Variants in OR2L13 observed in about 807,000 individuals in gnomAD.
The protein encoded by OR2L13 is olfactory receptor family 2 subfamily L member 13, also known as olfactory receptor 2L13.
OR2L13 carries 14 observed loss-of-function variants against 15.3 expected under a neutral mutation model. The observed-to-expected ratio is 0.91, with a 90% CI of 0.60 to 1.43. The LOEUF (loss-of-function observed/expected upper bound fraction) is 1.43. OR2L13 is among the 40% of genes most tolerant of loss of function. The pLI, the probability that OR2L13 is intolerant of heterozygous loss-of-function variation, is 0.00. For synonymous variants in OR2L13, 152 were observed against 142.9 expected (o/e 1.06, Z -0.45); for missense variants, 367 against 387.9 (o/e 0.95, Z 0.45).
chr1:248,089,514 G>A, the OR2L13 span, among the ~76,000 whole-genome samples: 1 of 152,104 alleles, frequency 6.6e-6, no homozygotes, highest in Non-Finnish European at 1.5e-5. Flanking sequence ...TAAAGGAAAA[G>A]CTTAAGTTCC....
chr1:247,964,025 T>C, the OR2L13 span, among the ~76,000 whole-genome samples: 1 of 152,174 alleles, frequency 6.6e-6, no homozygotes, highest in Admixed American at 6.6e-5. Context: ...CATTCCCATT[T>C]CCAAACAAAA....
the OR2L13 span, among the ~76,000 whole-genome samples, chr1:247,999,994 T>G: frequency 6.6e-6 from 1 of 152,108 alleles, no homozygotes; most frequent in Non-Finnish European, 1.5e-5. Flanking sequence ...TTCTGGAAAA[T>G]CCCATAATGA....
chr1:248,089,867 T>A, the OR2L13 span, among the ~76,000 whole-genome samples: 11 of 152,262 alleles, frequency 7.2e-5, no homozygotes, highest in South Asian at 2.3e-3. Context: ...TGACTCTAAT[T>A]TTTTAGACAA....
chr1:248,018,916 G>A, the OR2L13 span, among the ~76,000 whole-genome samples: 1 of 152,098 alleles, frequency 6.6e-6, no homozygotes. Context: ...CCTCTTTGTG[G>A]CTTATTTCAC....
chr1:248,084,788 C>G, the OR2L13 span, among the ~76,000 whole-genome samples: 2 of 152,124 alleles, frequency 1.3e-5, no homozygotes, highest in African/African-American at 2.4e-5. Context: ...GCCAAGGACT[C>G]ATTAAATTAC....
the OR2L13 span, among the ~76,000 whole-genome samples, chr1:248,089,402 A>G: frequency 6.6e-6 from 1 of 152,012 alleles, no homozygotes; most frequent in Non-Finnish European, 1.5e-5. Context: ...GTTGGTAATT[A>G]ACTCAATCTC....
At chr1:248,057,970 G>A in the OR2L13 span, among the ~76,000 whole-genome samples, 1 of 151,954 alleles carries the variant, frequency 6.6e-6, no homozygotes, top group Non-Finnish European at 1.5e-5. Context: ...TTCTTTTCTT[G>A]TTTAATTGTT....
chr1:248,035,205 C>G, the OR2L13 span, among the ~76,000 whole-genome samples: 1 of 152,048 alleles, frequency 6.6e-6, no homozygotes, highest in Non-Finnish European at 1.5e-5. Flanking sequence ...AATCCCAGTA[C>G]TTTGGGAGGC....
At chr1:247,963,077 C>T in the OR2L13 span, among the ~76,000 whole-genome samples, 1 of 152,148 alleles carries the variant, frequency 6.6e-6, no homozygotes, top group Admixed American at 6.5e-5. Context: ...AAGAGCAAGC[C>T]AACAGAGTAA....
the OR2L13 span, chr1:248,022,480 G>C: frequency 6.2e-7 from 1 of 1,614,112 alleles, no homozygotes; most frequent in Non-Finnish European, 8.5e-7. Context: ...CATTTTTTCT[G>C]TGATGTTCCA....
the OR2L13 span, among the ~76,000 whole-genome samples, chr1:248,034,799 A>C: frequency 6.6e-6 from 1 of 152,326 alleles, no homozygotes; most frequent in Non-Finnish European, 1.5e-5. Flanking sequence ...AGCCACTTGA[A>C]GCCTAGGTTC....
the OR2L13 span, among the ~76,000 whole-genome samples, chr1:247,980,209 TTTTTATCATCAATTTTAATAACAGAAAA>T: frequency 2.0e-5 from 3 of 152,128 alleles, no homozygotes; most frequent in Non-Finnish European, 4.4e-5. Context: ...AGTTGCATCA[TTTTTATCATCAATTTTAATAACAGAAAA>T]TTGTTTTAAA....
At chr1:248,000,824 A>T in the OR2L13 span, among the ~76,000 whole-genome samples, 1 of 152,162 alleles carries the variant, frequency 6.6e-6, no homozygotes. Flanking sequence ...AAACAGAAGA[A>T]TTGTAATGAG....
the OR2L13 span, chr1:248,021,956 T>C: frequency 6.2e-7 from 1 of 1,612,306 alleles, no homozygotes; most frequent in South Asian, 1.1e-5. Context: ...CCATGGAAAA[T>C]TACAATCAAA....
chr1:247,946,318 T>A, the OR2L13 span, among the ~76,000 whole-genome samples: 1 of 152,210 alleles, frequency 6.6e-6, no homozygotes, highest in Non-Finnish European at 1.5e-5. Flanking sequence ...TATTTTTATT[T>A]CTTTCTTATT....
At chr1:247,974,416 A>T in the OR2L13 span, among the ~76,000 whole-genome samples, 3 of 151,128 alleles carry the variant, frequency 2.0e-5, no homozygotes, top group African/African-American at 7.4e-5. Flanking sequence ...TGTATCCCAG[A>T]ACTTAAAGTA....
At chr1:248,038,484 A>C in the OR2L13 span, 13 of 1,613,838 alleles carry the variant, frequency 8.1e-6, no homozygotes, top group Middle Eastern at 1.7e-4. Context: ...CCTAAATTAC[A>C]TCTCCACCAT....
chr1:248,021,533 A>G, the OR2L13 span, among the ~76,000 whole-genome samples: 6 of 152,198 alleles, frequency 3.9e-5, no homozygotes, highest in African/African-American at 7.2e-5. Context: ...TCATAGCCCA[A>G]TGTTGCATCA....
chr1:247,978,089 T>C, the OR2L13 span, among the ~76,000 whole-genome samples: 1 of 152,130 alleles, frequency 6.6e-6, no homozygotes, highest in African/African-American at 2.4e-5. Context: ...ACAAGAGGAT[T>C]ATAAATGTAC....
Sources: allele counts gnomAD v4.1 joint callset (sites outside exome capture counted in the v4.1 genomes callset), GRCh38; gene constraint gnomAD v4.1.1; transcripts MANE v1.5; gene names NCBI Gene and HGNC (gene_info 2026-07-23, HGNC 2026-07-21).